Variants in EML6 observed in about 807,000 individuals in gnomAD.
EML6 encodes the protein EMAP like 6.
EML6 carries 154 observed loss-of-function variants against 240.1 expected under a neutral mutation model. That is an observed-to-expected ratio of 0.64 (90% confidence interval 0.56 to 0.73). The LOEUF (loss-of-function observed/expected upper bound fraction) is 0.73, where lower values mean the gene tolerates loss of function less well. EML6 is among the 30% of genes least tolerant of loss of function. EML6 has a pLI of 0.00. For synonymous variants in EML6, 1,148 were observed against 899.0 expected (o/e 1.28, Z -4.95); for missense variants, 2,964 against 2,474.6 (o/e 1.20, Z -4.20).
In EML6 at chr2:54,820,407, C is replaced by G; in HGVS notation, c.470C>G (p.Ser157Cys). The G allele has an allele frequency of 6.5e-7, 1 of 1,549,042 alleles. No homozygotes were observed. Among genetic ancestry groups the G allele is most frequent in the East Asian group, 2.4e-5 (1 of 40,870 alleles). The change falls in exon 5 of 42, where the codon TCC (serine) becomes TGC (cysteine). Residue 157 changes from serine (S) to cysteine (C), a missense_variant. Ser to Cys is a moderately radical substitution (Grantham distance 112, BLOSUM62 -1). Coordinates refer to ENST00000356458, the MANE Select transcript of EML6 (RefSeq NM_001039753.4). ...TGHSDRIFDI[S>C]WDPYQPNRVV... ...TGTTTTGAACAGATTTTTGATATTT[C>G]CTGGGATCCATATCAGCCAAACAGA...
At chr2:54,735,169 A>G (rs1055977371) in intron 2 of EML6, among the ~76,000 whole-genome samples, 24 of 152,208 alleles carry the variant, frequency 1.6e-4, no homozygotes, top group Non-Finnish European at 1.5e-4. Flanking sequence ...TGACAGCTCA[A>G]GACTATCTTG....
At chr2:54,838,401 C>A (rs1669264852) in intron 7 of EML6, among the ~76,000 whole-genome samples, 1 of 152,228 alleles carries the variant, frequency 6.6e-6, no homozygotes, top group Non-Finnish European at 1.5e-5. Context: ...ATAATCTCCA[C>A]TTTACAGATG....
intron 2 of EML6, among the ~76,000 whole-genome samples, chr2:54,768,623 G>T (rs1668285073): frequency 6.6e-6 from 1 of 152,198 alleles, no homozygotes; most frequent in Admixed American, 6.5e-5. Flanking sequence ...TAGAGATGCA[G>T]AGAGTCGTGA....
intron 14 of EML6, 165 bp from the exon 15 acceptor site, chr2:54,869,016 C>T: frequency 1.9e-6 from 1 of 522,346 alleles, no homozygotes; most frequent in Non-Finnish European, 3.4e-6. Flanking sequence ...ATCTCATGCC[C>T]TCAGACGGCC....
rs77113548 is a variant in EML6, at chr2:54,788,779, A to T, written c.198-24453A>T. Among the ~76,000 whole-genome samples, 77 of 152,320 alleles carry T rather than the reference A, an allele frequency of 5.1e-4. 1 individual carries two copies. The highest frequency in any genetic ancestry group is 1.4e-3 in the African/African-American group (59 of 41,556). On this transcript the variant is annotated intron_variant, in intron 2 of 41. Coordinates refer to ENST00000356458, the MANE Select transcript of EML6 (RefSeq NM_001039753.4). The stretch of plus-strand genomic sequence containing the variant: ...AATAGGGCCAAACTCTTCAGAACAT[A>T]TATTTTAGGAATCAAAACATTATTT...
chr2:54,963,403 A>G (rs1330162378), intron 36 of EML6, among the ~76,000 whole-genome samples: 5 of 152,256 alleles, frequency 3.3e-5, no homozygotes, highest in Non-Finnish European at 7.3e-5. Context: ...CAGCTGCTTC[A>G]TGGACATGAT....
chr2:54,897,096 C>T (rs1200856567), intron 21 of EML6, among the ~76,000 whole-genome samples: 2 of 151,990 alleles, frequency 1.3e-5, no homozygotes, highest in Non-Finnish European at 2.9e-5. Flanking sequence ...TATTTATTTA[C>T]TTTTTAATCT....
chr2:54,879,414 AG>A, intron 16 of EML6, 132 bp from the exon 17 acceptor site: 1 of 646,478 alleles, frequency 1.5e-6, no homozygotes. Flanking sequence ...TAATCAAGTC[AG>A]GGCAGCTATC....
chr2:54,872,008 CATCACTTCTGATTG>C (rs1671283854), intron 16 of EML6, among the ~76,000 whole-genome samples: 1 of 152,146 alleles, frequency 6.6e-6, no homozygotes, highest in Admixed American at 6.5e-5. Context: ...AGTGGGAGCA[CATCACTTCTGATTG>C]AAAATACAAA....
intron 6 of EML6, among the ~76,000 whole-genome samples, chr2:54,828,254 T>C (rs932604693): frequency 2.0e-5 from 3 of 152,224 alleles, no homozygotes; most frequent in African/African-American, 7.2e-5. Context: ...ACCAGTGTCA[T>C]GAGCTCTTAA....
chr2:54,801,337 TTTC>T (rs1670133941), intron 2 of EML6, among the ~76,000 whole-genome samples: 2 of 144,926 alleles, frequency 1.4e-5, no homozygotes, highest in Admixed American at 6.9e-5. Flanking sequence ...AAAAAAAAGG[TTTC>T]TCATTGGAAT....
intron 24 of EML6, among the ~76,000 whole-genome samples, chr2:54,909,760 C>G (rs1300379086): frequency 6.7e-6 from 1 of 149,794 alleles, no homozygotes; most frequent in Non-Finnish European, 1.5e-5. Flanking sequence ...AAGAGAATCG[C>G]TTGAACTTGA....
At chr2:54,898,543 C>T (rs983501378) in intron 21 of EML6, among the ~76,000 whole-genome samples, 1 of 152,138 alleles carries the variant, frequency 6.6e-6, no homozygotes, top group African/African-American at 2.4e-5. Flanking sequence ...CTGTATCCTT[C>T]AGCCCTCATT....
intron 28 of EML6, among the ~76,000 whole-genome samples, chr2:54,946,183 C>T (rs1279762455): frequency 6.6e-6 from 1 of 152,202 alleles, no homozygotes; most frequent in Non-Finnish European, 1.5e-5. Context: ...AGCTCTTTCT[C>T]CTTTGTTCCC....
rs1049071623 is a variant in EML6 at position 54,859,638 on chromosome 2, G to C, written c.1762G>C (p.Val588Leu). ...GAGCACAGGAGGGGCTGATCACTCA[G>C]TTTTCCAGTGGAGGTTTATTCCAGA... ...VLSTGGADHS[V>L]FQWRFIPEGV... The change falls in exon 12 of 42, where the codon GTT (valine) becomes CTT (leucine). Residue 588 changes from valine to leucine, a missense_variant. Coordinates refer to ENST00000356458, the MANE Select transcript of EML6 (RefSeq NM_001039753.4). The C allele has an allele frequency of 6.4e-7, 1 of 1,551,362 alleles. No individual in the cohort carries two copies. The highest frequency in any genetic ancestry group is 8.7e-7 in the Non-Finnish European group (1 of 1,146,876).
chr2:54,862,438 G>A (rs1334738407), intron 12 of EML6, among the ~76,000 whole-genome samples: 1 of 146,812 alleles, frequency 6.8e-6, no homozygotes, highest in African/African-American at 2.5e-5. Flanking sequence ...AGATTAAGCA[G>A]AAGAAAGGAA....
intron 7 of EML6, 67 bp downstream of exon 7, chr2:54,829,544 AT>A: frequency 2.2e-6 from 3 of 1,334,682 alleles, no homozygotes; most frequent in Admixed American, 2.2e-5. Flanking sequence ...CTGTATTCAT[AT>A]TTGTTTCTCT....
chr2:54,839,242 C>T (rs934729486), intron 7 of EML6, among the ~76,000 whole-genome samples: 4 of 152,188 alleles, frequency 2.6e-5, no homozygotes, highest in Non-Finnish European at 4.4e-5. Context: ...GTTCTCTTTA[C>T]CACTCTTGCA....
intron 2 of EML6, among the ~76,000 whole-genome samples, chr2:54,783,081 G>A (rs1668921857): frequency 6.6e-6 from 1 of 152,154 alleles, no homozygotes; most frequent in Admixed American, 6.5e-5. Flanking sequence ...ATATAGGTAT[G>A]TATGCGTGCA....
Sources: allele counts gnomAD v4.1 joint callset (sites outside exome capture counted in the v4.1 genomes callset), GRCh38; gene constraint gnomAD v4.1.1; transcripts MANE v1.5; gene names NCBI Gene and HGNC (gene_info 2026-07-23, HGNC 2026-07-21).